OSBPL1A: variants seen among roughly 807,000 people sequenced by gnomAD.
OSBPL1A encodes oxysterol-binding protein-related protein 1.
OSBPL1A carries 80 observed loss-of-function variants against 137.1 expected under a neutral mutation model. The ratio of observed to expected loss-of-function variants is 0.58; its 90% confidence interval spans 0.49 to 0.70. OSBPL1A has a LOEUF of 0.70. Among genes scored for constraint, OSBPL1A ranks in the 30% least tolerant of loss-of-function variants. The pLI is 0.00. For missense variants in OSBPL1A, 970 were observed against 1,129.4 expected, an observed-to-expected ratio of 0.86 and a Z score of 2.02; for synonymous variants, 365 against 389.7, an observed-to-expected ratio of 0.94 and a Z score of 0.75.
chr18:24,187,767 C>A (rs566186879), intron 18 of OSBPL1A, among the ~76,000 whole-genome samples: 266 of 152,210 alleles, frequency 1.7e-3, no homozygotes, highest in South Asian at 2.1e-3. Flanking sequence ...TGCAGAGAAG[C>A]TACAGAAGCA....
At chr18:24,220,168 C>T (rs373266228) in intron 17 of OSBPL1A, among the ~76,000 whole-genome samples, 4 of 152,260 alleles carry the variant, frequency 2.6e-5, no homozygotes, top group East Asian at 1.9e-4. Context: ...AGACACCTGC[C>T]GTGGCAGGAC....
intron 21 of OSBPL1A, among the ~76,000 whole-genome samples, chr18:24,175,538 C>T (rs1384280163): frequency 1.3e-5 from 2 of 152,126 alleles, no homozygotes; most frequent in Non-Finnish European, 2.9e-5. Flanking sequence ...ATTGTGGCTA[C>T]AAGTCCTTTG....
At chr18:24,184,960 T>TA (rs781211412) in intron 18 of OSBPL1A, among the ~76,000 whole-genome samples, 23 of 152,112 alleles carry the variant, frequency 1.5e-4, no homozygotes, top group Admixed American at 6.5e-4. Context: ...AAATGCTGAG[T>TA]AAAAAAAATT....
At chr18:24,279,871 G>A (rs940301001) in intron 15 of OSBPL1A, among the ~76,000 whole-genome samples, 2 of 152,066 alleles carry the variant, frequency 1.3e-5, no homozygotes, top group South Asian at 2.1e-4. Context: ...ACAGGGTCTC[G>A]CTCTGTCACT....
In OSBPL1A at chr18:24,313,913, G is replaced by A. The variant is rs148332981; in HGVS notation, c.969+336C>T. Among the ~76,000 whole-genome samples, 709 of 151,990 alleles carry A rather than the reference G, an allele frequency of 4.7e-3. 2 individuals carry two copies. The highest frequency in any genetic ancestry group is 0.016 in the African/African-American group (664 of 41,488). On this transcript the variant is annotated intron_variant, in intron 12 of 27. Coordinates refer to ENST00000319481, the MANE Select transcript of OSBPL1A (RefSeq NM_080597.4). ...GCTCAGGAGTTTGAGACTACCCTGGGCAATGTGGTGAAACCTTGTCTCTGC... is the reference window on the plus strand; with the variant it reads ...GCTCAGGAGTTTGAGACTACCCTGGACAATGTGGTGAAACCTTGTCTCTGC...
chr18:24,299,362 G>A (rs2090354816), intron 14 of OSBPL1A, among the ~76,000 whole-genome samples: 1 of 151,768 alleles, frequency 6.6e-6, no homozygotes, highest in South Asian at 2.1e-4. Flanking sequence ...GTTCTATTTT[G>A]GTACATATTG....
rs530746611 is a variant in OSBPL1A, at chr18:24,382,280, G to A, written c.-2-4745C>T. The stretch of plus-strand genomic sequence containing the variant: ...AATTTAGCCAGGCGTGGTGGCAGGC[G>A]CCTGTAGTCCCAGCTACTCAGGAGT... On this transcript the variant is annotated intron_variant, in intron 1 of 27. Coordinates refer to ENST00000319481, the MANE Select transcript of OSBPL1A (RefSeq NM_080597.4). Among the ~76,000 whole-genome samples the A allele has an allele frequency of 4.0e-5, 6 of 150,128 alleles. No homozygotes were observed. The East Asian group carries it at 9.9e-4, about 25-fold the overall frequency.
At chr18:24,355,246 G>A (rs1472272234) in intron 4 of OSBPL1A, among the ~76,000 whole-genome samples, 12 of 152,102 alleles carry the variant, frequency 7.9e-5, no homozygotes. Flanking sequence ...GCTCACGCCT[G>A]TAACCCCAGC....
At chr18:24,366,607 T>A (rs656488) in intron 4 of OSBPL1A, 4,514 of 270,238 alleles carry the variant, frequency 0.017, 134 homozygotes, top group African/African-American at 0.078. Flanking sequence ...TATTTTTTTT[T>A]TAAAAAAAAG....
chr18:24,195,817 G>C (rs182673831), intron 18 of OSBPL1A: 29 of 340,104 alleles, frequency 8.5e-5, no homozygotes, highest in African/African-American at 5.9e-4. Context: ...CTGTGGGGTT[G>C]TCTGTTCTTT....
rs751432894 is a variant in OSBPL1A, at chr18:24,390,694, C to CAAAAAAAAAAAAA, written c.-3+6948_-3+6960dup. On this transcript the variant is annotated intron_variant, in intron 1 of 27. Coordinates refer to ENST00000319481, the MANE Select transcript of OSBPL1A (RefSeq NM_080597.4). The stretch of plus-strand genomic sequence containing the variant: ...TGGGCAACAGAGTGCGACTCCGTCT[C>CAAAAAAAAAAAAA]AAAAAAAAAAAAAAAAAAAAAAAAA... Among the ~76,000 whole-genome samples the CAAAAAAAAAAAAA allele has an allele frequency of 1.0e-3, 57 of 56,202 alleles. 2 individuals carry two copies. The highest frequency in any genetic ancestry group is 2.7e-3 in the African/African-American group (38 of 14,068). 36.9% of individuals were successfully genotyped at this position (56,202 alleles called of 152,430 possible). A position where few individuals can be genotyped will look rare whatever the true frequency, so the allele number is the denominator to read the frequency against.
At chr18:24,360,432 T>C (rs2091604568) in intron 4 of OSBPL1A, among the ~76,000 whole-genome samples, 1 of 149,278 alleles carries the variant, frequency 6.7e-6, no homozygotes, top group Non-Finnish European at 1.5e-5. Context: ...ATGAGATAAC[T>C]TGATTCTTTT....
At chr18:24,242,359 AAAG>A (rs2088731081) in intron 15 of OSBPL1A, among the ~76,000 whole-genome samples, 2 of 152,022 alleles carry the variant, frequency 1.3e-5, no homozygotes, top group South Asian at 4.1e-4. Flanking sequence ...GAAAGAAAGA[AAAG>A]AAAAGCACTG....
rs186976130 is a variant in OSBPL1A at position 24,295,936 on chromosome 18, T to C, written c.1174+7701A>G. On this transcript the variant is annotated intron_variant, in intron 14 of 27. Coordinates refer to ENST00000319481, the MANE Select transcript of OSBPL1A (RefSeq NM_080597.4). ...TGCAGTATAATTTAAAGTCCAATAA[T>C]GTGATACCTCCAGATTTGTTCTTTT... Among the ~76,000 whole-genome samples, 435 of 152,176 alleles carry C rather than the reference T, an allele frequency of 2.9e-3. 2 individuals are homozygous for C. The highest frequency in any genetic ancestry group is 9.7e-3 in the African/African-American group (403 of 41,546).
At chr18:24,375,938 G>A (rs1260078327) in intron 2 of OSBPL1A, among the ~76,000 whole-genome samples, 6 of 152,126 alleles carry the variant, frequency 3.9e-5, no homozygotes, top group Non-Finnish European at 7.4e-5. Context: ...AAGGCGGCGC[G>A]TCTGGAGTTG....
Position 24,175,104 on chromosome 18 carries a change from G to GTGTATATA in OSBPL1A, c.2094-2622_2094-2621insTATATACA, listed in dbSNP as rs1491534405. ...GACTTCATGTGCTTATTTGCCATGT[G>GTGTATATA]TATGTATATATATATATATATATAT... On this transcript the variant is annotated intron_variant, in intron 21 of 27. Transcript: ENST00000319481. Among the ~76,000 whole-genome samples the GTGTATATA allele has an allele frequency of 2.3e-3, 98 of 42,708 alleles. 1 individual carries two copies. Among genetic ancestry groups the GTGTATATA allele is most frequent in the South Asian group, 2.8e-3 (3 of 1,070 alleles). 28.0% of individuals were successfully genotyped at this position (42,708 alleles called of 152,430 possible).
intron 4 of OSBPL1A, among the ~76,000 whole-genome samples, chr18:24,361,996 C>CAAAAA (rs200189504): frequency 2.9e-4 from 15 of 52,138 alleles, no homozygotes; most frequent in Non-Finnish European, 4.5e-4. Flanking sequence ...GACTCCATCT[C>CAAAAA]AAAAAAAAAA....
At chr18:24,201,346 A>G (rs1220234912) in intron 17 of OSBPL1A, among the ~76,000 whole-genome samples, 2 of 152,222 alleles carry the variant, frequency 1.3e-5, no homozygotes, top group African/African-American at 4.8e-5. Context: ...CCAAAGAACC[A>G]AATTCATTAA....
intron 16 of OSBPL1A, among the ~76,000 whole-genome samples, chr18:24,225,611 T>G (rs1260605004): frequency 4.9e-4 from 75 of 152,300 alleles, no homozygotes; most frequent in African/African-American, 1.8e-3. Context: ...CTAGCTGTCC[T>G]TATGAGAAGT....
Sources: gnomAD v4.1 joint callset for allele counts (sites outside exome capture counted in the v4.1 genomes callset) on GRCh38, gnomAD v4.1.1 for gene constraint, MANE v1.5 for transcripts, NCBI Gene and HGNC (gene_info 2026-07-23, HGNC 2026-07-21) for gene names.